RBFOX1: variants seen among roughly 807,000 people sequenced by gnomAD.
RBFOX1 encodes the protein RNA binding fox-1 homolog 1.
RBFOX1 carries 8 observed loss-of-function variants against 57.7 expected under a neutral mutation model. The ratio of observed to expected loss-of-function variants is 0.14; its 90% CI spans 0.08 to 0.25. The LOEUF (loss-of-function observed/expected upper bound fraction) is 0.25, where lower values mean the gene tolerates loss of function less well. Ranked by LOEUF, RBFOX1 falls within the 10% of genes least tolerant of loss-of-function variation. The pLI is 1.00. For synonymous variants in RBFOX1, 326 were observed against 222.4 expected (o/e 1.47, Z -4.15); for missense variants, 611 against 548.5 (o/e 1.11, Z -1.14).
At chr16:6,907,829 C>T (rs1249282402) in intron 3 of RBFOX1, among the ~76,000 whole-genome samples, 2 of 151,282 alleles carry the variant, frequency 1.3e-5, no homozygotes, top group South Asian at 2.1e-4. Flanking sequence ...CCGCCTCGGC[C>T]TCCCAAAGTG....
At chr16:7,676,984 C>CTCAAG (rs199807848) in intron 14 of RBFOX1, 146 bp downstream of exon 14, 13,957 of 707,870 alleles carry the variant, frequency 0.02, 218 homozygotes, top group Non-Finnish European at 0.025. Context: ...TGAACGTGAA[C>CTCAAG]TCAAGTCCCC....
intron 3 of RBFOX1, among the ~76,000 whole-genome samples, chr16:6,871,261 C>T (rs973947732): frequency 2.0e-5 from 3 of 152,198 alleles, no homozygotes; most frequent in Non-Finnish European, 4.4e-5. Flanking sequence ...TCTCGGCTCA[C>T]TCTAACCTCC....
rs149498048 is a variant in RBFOX1, at chr16:7,275,093, C to T, written c.27+222995C>T. 5.5e-3 allele frequency among the ~76,000 whole-genome samples: 832 copies of T among 152,186 alleles called. 4 individuals carry two copies. The highest frequency in any genetic ancestry group is 9.8e-3 in the Non-Finnish European group (663 of 67,996). On this transcript the variant is annotated intron_variant, in intron 4 of 15. Coordinates refer to ENST00000550418, the MANE Select transcript of RBFOX1 (RefSeq NM_018723.4). ...TGCTGAGCGGGCAGGGTTCTGGATC[C>T]TTCTTGTCCATCTGTCTCTGAGCTT...
intron 2 of RBFOX1, among the ~76,000 whole-genome samples, chr16:5,569,914 G>C (rs750464520): frequency 6.6e-6 from 1 of 152,190 alleles, no homozygotes; most frequent in Non-Finnish European, 1.5e-5. Context: ...AAGACGTAAT[G>C]TCAGTCATAT....
At chr16:6,579,258 T>C (rs973246116) in intron 2 of RBFOX1, among the ~76,000 whole-genome samples, 1 of 151,940 alleles carries the variant, frequency 6.6e-6, no homozygotes, top group Non-Finnish European at 1.5e-5. Context: ...GGCTGGAGTG[T>C]AGTGGTTCAG....
chr16:6,047,651 G>C (rs1303635940), intron 1 of RBFOX1, among the ~76,000 whole-genome samples: 2 of 152,158 alleles, frequency 1.3e-5, no homozygotes, highest in East Asian at 3.9e-4. Flanking sequence ...CAAATGGAAT[G>C]GTTCAGAGTG....
At chr16:5,640,908 C>G (rs1300472684) in intron 3 of RBFOX1, among the ~76,000 whole-genome samples, 1 of 150,964 alleles carries the variant, frequency 6.6e-6, no homozygotes, top group African/African-American at 2.4e-5. Flanking sequence ...CACATACACA[C>G]ATGGACACAC....
chr16:7,148,918 A>G (rs921089246), intron 4 of RBFOX1, among the ~76,000 whole-genome samples: 2 of 152,206 alleles, frequency 1.3e-5, no homozygotes, highest in African/African-American at 4.8e-5. Context: ...GCATGTGCCT[A>G]AAATCAGTTT....
chr16:6,760,860 T>A (rs2076501923), intron 3 of RBFOX1, among the ~76,000 whole-genome samples: 1 of 152,104 alleles, frequency 6.6e-6, no homozygotes, highest in African/African-American at 2.4e-5. Flanking sequence ...GCGCTGCCTC[T>A]GGTCAATGCC....
intron 2 of RBFOX1, among the ~76,000 whole-genome samples, chr16:6,648,565 C>T (rs950686283): frequency 3.9e-5 from 6 of 152,158 alleles, no homozygotes; most frequent in Non-Finnish European, 5.9e-5. Flanking sequence ...CCTGTCCTCC[C>T]ACCCTTCAGC....
chr16:7,690,179 C>A (rs867012680), intron 14 of RBFOX1, among the ~76,000 whole-genome samples: 1 of 152,068 alleles, frequency 6.6e-6, no homozygotes, highest in Non-Finnish European at 1.5e-5. Context: ...AGGCCCTACC[C>A]CAGATCAATT....
intron 1 of RBFOX1, among the ~76,000 whole-genome samples, chr16:6,188,479 C>T (rs950223054): frequency 1.3e-5 from 2 of 148,604 alleles, no homozygotes; most frequent in Non-Finnish European, 3.0e-5. Context: ...TGGCTGGCAA[C>T]CTTTCTCTGA....
intron 4 of RBFOX1, among the ~76,000 whole-genome samples, chr16:7,221,647 G>T (rs1018100910): frequency 6.6e-6 from 1 of 152,144 alleles, no homozygotes; most frequent in South Asian, 2.1e-4. Context: ...GATTACAGGC[G>T]TGAGCCACTG....
At chr16:6,791,714 G>T (rs1337997277) in intron 3 of RBFOX1, among the ~76,000 whole-genome samples, 2 of 152,130 alleles carry the variant, frequency 1.3e-5, no homozygotes, top group East Asian at 1.9e-4. Flanking sequence ...AGCAGAGATC[G>T]TGCCACACTG....
At chr16:6,860,420 C>T (rs540975426) in intron 3 of RBFOX1, among the ~76,000 whole-genome samples, 2 of 152,176 alleles carry the variant, frequency 1.3e-5, no homozygotes, top group Non-Finnish European at 2.9e-5. Flanking sequence ...AAACACTACA[C>T]GTTGGCTAAG....
At chr16:7,412,943 G>T (rs1209751118) in intron 4 of RBFOX1, among the ~76,000 whole-genome samples, 1 of 152,202 alleles carries the variant, frequency 6.6e-6, no homozygotes, top group Non-Finnish European at 1.5e-5. Flanking sequence ...TCGGGAGGCT[G>T]AGGCAGGAGA....
chr16:5,834,714 G>GATAGATAC (rs200416297), intron 3 of RBFOX1, among the ~76,000 whole-genome samples: 1 of 128,164 alleles, frequency 7.8e-6, no homozygotes, highest in Non-Finnish European at 1.7e-5. Flanking sequence ...TAGATAGATA[G>GATAGATAC]ATACATAGAT....
At chr16:5,527,050 G>C (rs1045778234) in intron 2 of RBFOX1, among the ~76,000 whole-genome samples, 1 of 152,192 alleles carries the variant, frequency 6.6e-6, no homozygotes, top group Non-Finnish European at 1.5e-5. Flanking sequence ...CCATGTGTCA[G>C]TGGTGCTCTT....
intron 4 of RBFOX1, among the ~76,000 whole-genome samples, chr16:7,385,006 C>G (rs910873435): frequency 6.6e-6 from 1 of 152,194 alleles, no homozygotes; most frequent in South Asian, 2.1e-4. Flanking sequence ...CAAATCATGC[C>G]AAGGCAGAGA....
Sources: allele counts gnomAD v4.1 joint callset (sites outside exome capture counted in the v4.1 genomes callset), GRCh38; gene constraint gnomAD v4.1.1; transcripts MANE v1.5; gene names NCBI Gene and HGNC (gene_info 2026-07-23, HGNC 2026-07-21).